The following PDE7B variants were observed in gnomAD, a reference collection of about 807,000 sequenced individuals.
PDE7B encodes the protein 3',5'-cyclic-AMP phosphodiesterase 7B.
In PDE7B, 29 loss-of-function variants were observed where a neutral mutation model predicts 56.2. The ratio of observed to expected loss-of-function variants is 0.52; its 90% CI spans 0.38 to 0.70. The LOEUF is 0.70. PDE7B is among the 30% of genes least tolerant of loss of function. PDE7B has a pLI of 0.00. For missense variants in PDE7B, 490 were observed against 565.0 expected (o/e 0.87, Z 1.35); for synonymous variants, 197 against 196.9 (o/e 1.00, Z 0.00).
chr6:136,133,392 T>C (rs1410682174), intron 3 of PDE7B, among the ~76,000 whole-genome samples: 2 of 152,050 alleles, frequency 1.3e-5, no homozygotes, highest in African/African-American at 4.8e-5. Context: ...GATGCACTTA[T>C]AATCATTTAG....
chr6:136,133,746 T>A (rs1778159440), intron 3 of PDE7B, among the ~76,000 whole-genome samples: 1 of 152,146 alleles, frequency 6.6e-6, no homozygotes. Context: ...GTGAGCTAAG[T>A]TACTGCAATA....
intron 1 of PDE7B, among the ~76,000 whole-genome samples, chr6:135,854,213 T>A (rs1021542664): frequency 1.3e-5 from 2 of 152,202 alleles, no homozygotes; most frequent in Admixed American, 1.3e-4. Flanking sequence ...GGAAGCTGTT[T>A]GTTGACTCAC....
intron 3 of PDE7B, among the ~76,000 whole-genome samples, chr6:136,127,521 T>C (rs1778043610): frequency 6.6e-6 from 1 of 152,360 alleles, no homozygotes; most frequent in South Asian, 2.1e-4. Flanking sequence ...CTACTATTAT[T>C]ACAGAAGTGT....
chr6:135,867,399 G>GT (rs1272763261), intron 1 of PDE7B, among the ~76,000 whole-genome samples: 1 of 152,092 alleles, frequency 6.6e-6, no homozygotes, highest in Admixed American at 6.6e-5. Flanking sequence ...TTGAAAACAT[G>GT]TTAATACATC....
chr6:136,124,144 C>A (rs1777982628), intron 3 of PDE7B, among the ~76,000 whole-genome samples: 1 of 151,606 alleles, frequency 6.6e-6, no homozygotes. Flanking sequence ...ATTAAGAGGC[C>A]CTGGTAACCA....
intron 1 of PDE7B, among the ~76,000 whole-genome samples, chr6:135,872,963 A>T (rs1775414304): frequency 6.6e-6 from 1 of 152,128 alleles, no homozygotes; most frequent in Admixed American, 6.6e-5. Context: ...AAAACTTCAT[A>T]ATCAGCAGAT....
In PDE7B at chr6:136,077,241, C is replaced by T. The variant is rs553351535; in HGVS notation, c.83-31490C>T. Among the ~76,000 whole-genome samples the T allele has an allele frequency of 3.3e-5, 5 of 152,196 alleles. No homozygotes were observed. The South Asian group carries it at 8.3e-4, about 25-fold the overall frequency. On this transcript the variant is annotated intron_variant, in intron 2 of 12. Transcript: ENST00000308191. ...GAATAGTCCTGAGAAGAAAAATCTC[C>T]GATCCACTGTGCTTGACAATATTAT... is the stretch of plus-strand genomic sequence containing the variant.
chr6:136,006,106 C>CA (rs1420046579), intron 2 of PDE7B, among the ~76,000 whole-genome samples: 3 of 146,888 alleles, frequency 2.0e-5, no homozygotes, highest in Non-Finnish European at 4.5e-5. Flanking sequence ...ATCACAAGGA[C>CA]AAAAAACCAA....
chr6:136,037,419 G>A (rs1049929151), intron 2 of PDE7B: 1 of 985,280 alleles, frequency 1.0e-6, no homozygotes, highest in African/African-American at 1.7e-5. Flanking sequence ...ACCCAGATAG[G>A]TTTGCCGAGA....
chr6:135,940,083 C>T (rs1774484121), intron 1 of PDE7B, among the ~76,000 whole-genome samples: 1 of 152,116 alleles, frequency 6.6e-6, no homozygotes, highest in Admixed American at 6.5e-5. Context: ...TTTCTCCAAT[C>T]CCCTCTGTGA....
At chr6:136,020,594 T>C (rs1224510711) in intron 2 of PDE7B, among the ~76,000 whole-genome samples, 1 of 151,926 alleles carries the variant, frequency 6.6e-6, no homozygotes, top group Non-Finnish European at 1.5e-5. Flanking sequence ...GCATGCCATG[T>C]CCCAGAGCAG....
chr6:135,957,328 T>C (rs1462607892), intron 2 of PDE7B, among the ~76,000 whole-genome samples: 1 of 152,076 alleles, frequency 6.6e-6, no homozygotes, highest in Non-Finnish European at 1.5e-5. Context: ...TAGAGGTGTT[T>C]AAAAAAATGT....
intron 3 of PDE7B, among the ~76,000 whole-genome samples, chr6:136,126,168 T>C (rs768709912): frequency 2.6e-5 from 4 of 152,118 alleles, no homozygotes; most frequent in Non-Finnish European, 4.4e-5. Flanking sequence ...GATACAGGTG[T>C]ATTATGTTGG....
chr6:135,875,260 CT>C lies in PDE7B; in HGVS notation c.21+23248del, dbSNP rs1322360463. 2.0e-5 allele frequency among the ~76,000 whole-genome samples: 3 copies of C among 151,646 alleles called. No individual in the cohort carries two copies. The South Asian group carries it at 6.3e-4, about 32-fold the overall frequency. On this transcript the variant is annotated intron_variant, in intron 1 of 12. Transcript: ENST00000308191. ...ATCTAACTTTGTTTTGCTATTCATCCTTTTTTTGTTACTTCTTTGCTTTTTT... is the reference window on the plus strand; with the variant it reads ...ATCTAACTTTGTTTTGCTATTCATCCTTTTTTGTTACTTCTTTGCTTTTTT...
chr6:136,110,711 C>CT (rs1562495600), intron 3 of PDE7B, among the ~76,000 whole-genome samples: 90 of 138,638 alleles, frequency 6.5e-4, no homozygotes, highest in African/African-American at 2.3e-3. Flanking sequence ...GATTCTGCAA[C>CT]ATTTTTTTTT....
chr6:135,860,137 C>T (rs1208775993), intron 1 of PDE7B, among the ~76,000 whole-genome samples: 1 of 151,972 alleles, frequency 6.6e-6, no homozygotes, highest in African/African-American at 2.4e-5. Flanking sequence ...TACAAATGTC[C>T]TGTAACTTTC....
chr6:136,183,868 T>C (rs1435394306), intron 11 of PDE7B, among the ~76,000 whole-genome samples: 1 of 152,134 alleles, frequency 6.6e-6, no homozygotes, highest in Non-Finnish European at 1.5e-5. Context: ...AAAATCAAGG[T>C]TGAGGACACA....
intron 3 of PDE7B, among the ~76,000 whole-genome samples, chr6:136,145,783 C>T (rs1778403982): frequency 1.3e-5 from 2 of 152,150 alleles, no homozygotes; most frequent in Admixed American, 6.6e-5. Flanking sequence ...CTAAACCCAT[C>T]TAAAGTCAAG....
intron 3 of PDE7B, among the ~76,000 whole-genome samples, chr6:136,110,678 A>C (rs1399296086): frequency 6.6e-6 from 1 of 151,330 alleles, no homozygotes; most frequent in Non-Finnish European, 1.5e-5. Flanking sequence ...GGACAGTGGA[A>C]TATTTAATTA....
Sources: gnomAD v4.1 joint callset for allele counts (sites outside exome capture counted in the v4.1 genomes callset) on GRCh38, gnomAD v4.1.1 for gene constraint, MANE v1.5 for transcripts, NCBI Gene and HGNC (gene_info 2026-07-23, HGNC 2026-07-21) for gene names.